Variants in CCNK observed in about 807,000 individuals in gnomAD.
CCNK encodes the protein cyclin-K.
CCNK carries 9 observed loss-of-function variants against 65.0 expected under a neutral mutation model. The observed-to-expected ratio is 0.14, with a 90% confidence interval of 0.08 to 0.24. The LOEUF (loss-of-function observed/expected upper bound fraction) is 0.24, where lower values mean the gene tolerates loss of function less well. Ranked by LOEUF, CCNK falls within the 10% of genes least tolerant of loss-of-function variation. The pLI, the probability that CCNK is intolerant of heterozygous loss-of-function variation, is 1.00. For missense variants in CCNK, 474 were observed against 720.0 expected (o/e 0.66, Z 3.91); for synonymous variants, 279 against 270.8 (o/e 1.03, Z -0.30).
intron 5 of CCNK, 82 bp from the exon 6 acceptor site, chr14:99,501,274 G>A (rs1254308934): frequency 1.7e-5 from 15 of 886,418 alleles, no homozygotes; most frequent in East Asian, 9.6e-5. Context: ...TGCTGAACAC[G>A]TGGTAGGTTT....
chr14:99,502,606 A>G, intron 7 of CCNK, 113 bp from the exon 8 acceptor site: 1 of 1,235,956 alleles, frequency 8.1e-7, no homozygotes, highest in Non-Finnish European at 1.1e-6. Context: ...GTGAGTTGTA[A>G]ATGTGATTCA....
At position 99,510,111 on chromosome 14, in the gene CCNK, A is replaced by G. The variant is rs1897082831; in HGVS notation, c.1118-46A>G. On this transcript the variant is annotated intron_variant, in intron 10 of 10. Transcript: ENST00000389879. ...AGGGCCAGGAGGCACTGAAAAAGCA[A>G]CCATTGCTGGCGGAGGCCGGGCACT... 4.5e-6 allele frequency: 7 copies of G among 1,549,242 alleles called. No individual in the cohort carries two copies. The East Asian group carries it at 1.4e-4, about 31-fold the overall frequency.
At chr14:99,497,684 A>C (rs780701782) in intron 4 of CCNK, among the ~76,000 whole-genome samples, 1 of 152,206 alleles carries the variant, frequency 6.6e-6, no homozygotes, top group Non-Finnish European at 1.5e-5. Context: ...TTCTCTGCCA[A>C]GCATTATGTA....
rs1896636860 is a variant in CCNK, at chr14:99,493,460, CTAAGAGTA to C, written c.198-50_198-43del. On this transcript the variant is annotated intron_variant, in intron 2 of 10. Coordinates refer to ENST00000389879, the MANE Select transcript of CCNK (RefSeq NM_001099402.2). ...TGTCTTTTTGTTTTTCTACATTTAA[CTAAGAGTA>C]TAACCTGTAAAAGTTATTGGTTAGA... is the stretch of plus-strand genomic sequence containing the variant. 38 of 1,082,992 alleles carry C rather than the reference CTAAGAGTA, an allele frequency of 3.5e-5. No homozygotes were observed. The East Asian group carries it at 9.2e-4, about 26-fold the overall frequency. The allele number at this position is 1,082,992 out of a possible 1,614,324, so 67.1% of individuals were successfully genotyped here.
chr14:99,495,632 A>G lies in CCNK; in HGVS notation c.411+3A>G, dbSNP rs1375227509. 2 of 1,600,736 alleles carry G rather than the reference A, an allele frequency of 1.2e-6. No individual in the cohort carries two copies. The highest frequency in any genetic ancestry group is 1.1e-5 in the South Asian group (1 of 88,510). On this transcript the variant is annotated splice_donor_region_variant and intron_variant, in intron 4 of 10. Coordinates refer to ENST00000389879, the MANE Select transcript of CCNK (RefSeq NM_001099402.2). ...GCCAGTTTGGAGATGACCCAAAGGT[A>G]AGAATGATAATAACTTCCTGCCTTC...
chr14:99,493,841 G>A lies in CCNK; in HGVS notation c.279+246G>A, dbSNP rs2069487. The stretch of plus-strand genomic sequence containing the variant: ...GCGCTTTGTATGAAAGTTTACTCCC[G>A]TGGTACCTTTCCCAGCATAAATTTG... On this transcript the variant is annotated intron_variant, in intron 3 of 10. Coordinates refer to ENST00000389879, the MANE Select transcript of CCNK (RefSeq NM_001099402.2). The A allele has an allele frequency of 3.1e-4, 100 of 325,890 alleles. No individual in the cohort carries two copies. In the Admixed American group the frequency reaches 4.2e-3, roughly 14 times the overall value. 20.2% of individuals were successfully genotyped at this position (325,890 alleles called of 1,614,324 possible). A position where few individuals can be genotyped will look rare whatever the true frequency, so the allele number is the denominator to read the frequency against.
Position 99,492,690 on chromosome 14 carries a change from A to G in CCNK, c.13A>G (p.Lys5Glu). Residue 5 changes from lysine to glutamate, a missense_variant, in exon 2 of 11, where the codon AAA becomes GAA. Physicochemically the swap from Lys to Glu is moderately conservative, Grantham distance 56. This residue lies in a region of CCNK where 87 missense variants were observed against 166.2 expected (regional missense o/e 0.52). Transcript: ENST00000389879. MKEN[K>E]ENSSPSVTSA... The stretch of plus-strand genomic sequence containing the variant: ...CCTACTTCAATAAATGAAGGAGAAT[A>G]AAGAAAATTCAAGCCCTTCAGTAAC... 1.9e-6 allele frequency: 3 copies of G among 1,606,468 alleles called. No individual in the cohort carries two copies. The highest frequency in any genetic ancestry group is 2.5e-6 in the Non-Finnish European group (3 of 1,177,930).
chr14:99,498,049 C>T (rs956073391), intron 4 of CCNK, among the ~76,000 whole-genome samples: 1 of 152,206 alleles, frequency 6.6e-6, no homozygotes, highest in Non-Finnish European at 1.5e-5. Context: ...ACACCCCCGT[C>T]ACAGGGGCAG....
intron 9 of CCNK, 119 bp downstream of exon 9, chr14:99,503,763 C>A: frequency 1.2e-6 from 1 of 821,678 alleles, no homozygotes; most frequent in South Asian, 1.7e-5. Context: ...CTTTAGAGCT[C>A]ATACAAAACT....
intron 9 of CCNK, 187 bp from the exon 10 acceptor site, chr14:99,506,889 G>A (rs1445279854): frequency 5.3e-6 from 3 of 570,970 alleles, no homozygotes; most frequent in Admixed American, 5.8e-5. Flanking sequence ...GAGGGAGGTG[G>A]CATTTAATTT....
chr14:99,507,342 G>A (rs1048196687), intron 10 of CCNK, 195 bp downstream of exon 10: 12 of 574,988 alleles, frequency 2.1e-5, no homozygotes, highest in East Asian at 2.9e-5. Flanking sequence ...TTTGGGAGGC[G>A]GAGGCAGGAG....
chr14:99,500,680 T>G, intron 4 of CCNK, 86 bp from the exon 5 acceptor site: 2 of 872,098 alleles, frequency 2.3e-6, no homozygotes, highest in Middle Eastern at 2.2e-4. Context: ...GAAGAGAGAA[T>G]AAATAGACAG....
chr14:99,503,775 T>C (rs1325301077), intron 9 of CCNK, 131 bp downstream of exon 9: 1 of 724,950 alleles, frequency 1.4e-6, no homozygotes, highest in Non-Finnish European at 2.3e-6. Flanking sequence ...TACAAAACTT[T>C]TCCATCAGCA....
At position 99,509,877 on chromosome 14, in the gene CCNK, G is replaced by A. The variant is rs191779244; in HGVS notation, c.1118-280G>A. 2,932 of 523,224 alleles carry A rather than the reference G, an allele frequency of 5.6e-3. 13 individuals carry two copies. Among genetic ancestry groups the A allele is most frequent in the Non-Finnish European group, 8.1e-3 (2,413 of 296,870 alleles). The allele number at this position is 523,224 out of a possible 1,614,324, so 32.4% of individuals were successfully genotyped here. A position where few individuals can be genotyped will look rare whatever the true frequency, so the allele number is the denominator to read the frequency against. On this transcript the variant is annotated intron_variant, in intron 10 of 10. Transcript: ENST00000389879. ...GGGGGCTGGGGCCAGGGCACAAGGGGGCTTCGGGTGCTGCCGAGACTGCCT... is the reference window on the plus strand; with the variant it reads ...GGGGGCTGGGGCCAGGGCACAAGGGAGCTTCGGGTGCTGCCGAGACTGCCT...
At chr14:99,498,716 AGTTGTG>A (rs1896754666) in intron 4 of CCNK, among the ~76,000 whole-genome samples, 2 of 152,048 alleles carry the variant, frequency 1.3e-5, no homozygotes, top group Admixed American at 1.3e-4. Flanking sequence ...TTTGATGATG[AGTTGTG>A]GTGTACGCTG....
In CCNK at chr14:99,511,196, G is replaced by T. The variant is rs1897122179; in HGVS notation, c.*414G>T. On this transcript the variant is annotated 3_prime_UTR_variant, in exon 11 of 11. Transcript: ENST00000389879. Reference sequence around the variant, plus strand: ...CAATTCCATCTGAAGCCAAGCTGTTGTCATTTTCATTCGGTGACATTCTCT... The same window carrying T: ...CAATTCCATCTGAAGCCAAGCTGTTTTCATTTTCATTCGGTGACATTCTCT... 6.5e-6 allele frequency: 1 copy of T among 154,716 alleles called. No homozygotes were observed. The highest frequency in any genetic ancestry group is 2.1e-4 in the South Asian group (1 of 4,848). The allele number at this position is 154,716 out of a possible 1,614,324, so 9.6% of individuals were successfully genotyped here. A position where few individuals can be genotyped will look rare whatever the true frequency, so the allele number is the denominator to read the frequency against.
In CCNK at chr14:99,511,699, G is replaced by GCCAAGCCAGCCTGCCCC. The variant is rs1361019735; in HGVS notation, c.*919_*935dup. On this transcript the variant is annotated 3_prime_UTR_variant, in exon 11 of 11. Transcript: ENST00000389879. ...TCTGGGTGGATCCGCACAGCTGCCT[G>GCCAAGCCAGCCTGCCCC]CCAAGCCAGCCTGCCCCCATCCTGT... 1 of 152,550 alleles carries GCCAAGCCAGCCTGCCCC rather than the reference G, an allele frequency of 6.6e-6. No individual in the cohort carries two copies. The highest frequency in any genetic ancestry group is 1.5e-5 in the Non-Finnish European group (1 of 68,094). The allele number at this position is 152,550 out of a possible 1,614,324, so 9.4% of individuals were successfully genotyped here. A position where few individuals can be genotyped will look rare whatever the true frequency, so the allele number is the denominator to read the frequency against.
intron 9 of CCNK, chr14:99,505,954 C>CT (rs1896962871): frequency 6.6e-6 from 1 of 152,336 alleles, no homozygotes; most frequent in Non-Finnish European, 1.5e-5. Flanking sequence ...CTTTAGCTAA[C>CT]TATTACCAGC....
Position 99,510,784 on chromosome 14 carries a change from G to A in CCNK, c.*2G>A, listed in dbSNP as rs753953415. On this transcript the variant is annotated 3_prime_UTR_variant, in exon 11 of 11. Coordinates refer to ENST00000389879, the MANE Select transcript of CCNK (RefSeq NM_001099402.2). ...GGGCGGGCAGCCTGGATGAGATAAC[G>A]TGAGCCTTTTTTCCCTCTTTGTTTT... 12 of 1,431,976 alleles carry A rather than the reference G, an allele frequency of 8.4e-6. No individual in the cohort carries two copies. Among genetic ancestry groups the A allele is most frequent in the South Asian group, 5.3e-5 (3 of 56,120 alleles). The allele number at this position is 1,431,976 out of a possible 1,614,324, so 88.7% of individuals were successfully genotyped here.
Sources: gnomAD v4.1 joint callset for allele counts (sites outside exome capture counted in the v4.1 genomes callset) on GRCh38, gnomAD v4.1.1 for gene constraint, gnomAD v4.1.1 regional missense constraint, MANE v1.5 for transcripts, NCBI Gene and HGNC (gene_info 2026-07-23, HGNC 2026-07-21) for gene names.